Variants in NNT observed in about 807,000 individuals in gnomAD.
The protein encoded by NNT is NAD(P) transhydrogenase, mitochondrial.
A neutral mutation model predicts 104.8 loss-of-function variants in NNT; 50 were observed. The observed-to-expected ratio is 0.48, with a 90% CI of 0.38 to 0.60. The LOEUF is 0.60. NNT is among the 20% of genes least tolerant of loss of function. The probability of loss-of-function intolerance (pLI) is 0.00; values close to 1 mark genes in which losing one functional copy is unlikely to be tolerated. For missense variants in NNT, 1,131 were observed against 1,330.7 expected, an observed-to-expected ratio of 0.85 and a Z score of 2.33; for synonymous variants, 461 against 490.4, an observed-to-expected ratio of 0.94 and a Z score of 0.79.
In NNT at chr5:43,707,125, A is replaced by G. The variant is rs1008980763; in HGVS notation, c.*2721A>G. The G allele has an allele frequency of 6.6e-6, 1 of 152,190 alleles. No individual in the cohort carries two copies. Among genetic ancestry groups the G allele is most frequent in the Non-Finnish European group, 1.5e-5 (1 of 68,032 alleles). 9.4% of individuals were successfully genotyped at this position (152,190 alleles called of 1,614,324 possible). A position where few individuals can be genotyped will look rare whatever the true frequency, so the allele number is the denominator to read the frequency against. The stretch of plus-strand genomic sequence containing the variant: ...CCTAGAACTTAAAGTATAATTAAAA[A>G]AAAAAAGAAAACAGAAGCTATTTAT... On this transcript the variant is annotated 3_prime_UTR_variant, in exon 22 of 22. Transcript: ENST00000344920.
In NNT at chr5:43,659,317, G is replaced by A. The variant is rs772461693; in HGVS notation, c.2601G>A (p.Ser867=). ...CCATCGTGGGTGCACTCATAGGCTC[G>A]TCTGGTGCTATCCTGTCATACATCA... ...LLTIVGALIG[S]SGAILSYIMC... is the part of the protein sequence containing the mutation. Residue 867 remains serine, a synonymous_variant, in exon 17 of 22, where the codon TCG becomes TCA. Coordinates refer to ENST00000344920, the MANE Select transcript of NNT (RefSeq NM_182977.3). 2.2e-5 allele frequency: 36 copies of A among 1,613,370 alleles called. No individual in the cohort carries two copies. The highest frequency in any genetic ancestry group is 8.0e-5 in the African/African-American group (6 of 74,804).
At chr5:43,610,074 A>G (rs891490227) in intron 2 of NNT, among the ~76,000 whole-genome samples, 6 of 152,140 alleles carry the variant, frequency 3.9e-5, no homozygotes, top group African/African-American at 1.4e-4. Context: ...ACAGAGGAAG[A>G]TCTGAAGTCT....
At chr5:43,610,314 C>A (rs758599831) in intron 2 of NNT, among the ~76,000 whole-genome samples, 21 of 151,100 alleles carry the variant, frequency 1.4e-4, no homozygotes, top group Non-Finnish European at 2.9e-4. Flanking sequence ...CAAGTCAACT[C>A]TCTTTCATCA....
At chr5:43,607,261 T>G (rs1174718925) in intron 1 of NNT, among the ~76,000 whole-genome samples, 1 of 152,116 alleles carries the variant, frequency 6.6e-6, no homozygotes, top group African/African-American at 2.4e-5. Flanking sequence ...ACAAAAGAAG[T>G]GAAAATGGCC....
intron 20 of NNT, among the ~76,000 whole-genome samples, chr5:43,702,301 C>A (rs1452149083): frequency 1.1e-4 from 16 of 151,910 alleles, no homozygotes; most frequent in Non-Finnish European, 1.5e-5. Context: ...ATCATGTGAC[C>A]CTATTGCAAG....
chr5:43,643,795 C>A (rs1751359065), intron 7 of NNT, among the ~76,000 whole-genome samples: 1 of 152,188 alleles, frequency 6.6e-6, no homozygotes, highest in Non-Finnish European at 1.5e-5. Flanking sequence ...ACATTGGTGA[C>A]CTTTACGAAT....
chr5:43,614,127 C>T (rs369656678), intron 3 of NNT, among the ~76,000 whole-genome samples: 3 of 152,168 alleles, frequency 2.0e-5, no homozygotes, highest in African/African-American at 4.8e-5. Flanking sequence ...GAGTATAATT[C>T]ATTCTCATAT....
chr5:43,703,657 A>C (rs1270578891), intron 21 of NNT, among the ~76,000 whole-genome samples: 1 of 152,184 alleles, frequency 6.6e-6, no homozygotes, highest in Non-Finnish European at 1.5e-5. Context: ...TCCATAACAC[A>C]TGTCATTGTA....
chr5:43,624,009 A>G (rs745510847), intron 5 of NNT, 23 bp from the exon 6 acceptor site: 1 of 1,610,730 alleles, frequency 6.2e-7, no homozygotes, highest in Non-Finnish European at 8.5e-7. Context: ...GAGCCTTAAC[A>G]CATAACTGGG....
intron 19 of NNT, among the ~76,000 whole-genome samples, chr5:43,691,567 G>T (rs1742287070): frequency 6.6e-6 from 1 of 152,146 alleles, no homozygotes; most frequent in Non-Finnish European, 1.5e-5. Context: ...GTAACTGGGG[G>T]AAAAAGTCTC....
At chr5:43,636,522 A>G (rs1334322302) in intron 7 of NNT, among the ~76,000 whole-genome samples, 1 of 152,200 alleles carries the variant, frequency 6.6e-6, no homozygotes, top group Non-Finnish European at 1.5e-5. Flanking sequence ...CGTGAGAAAG[A>G]AAATAAGCAG....
chr5:43,630,755 C>T (rs187904684), intron 7 of NNT, among the ~76,000 whole-genome samples: 1 of 152,262 alleles, frequency 6.6e-6, no homozygotes, highest in East Asian at 1.9e-4. Flanking sequence ...CTTCACCTAT[C>T]CTTTCCTTTT....
chr5:43,604,196 G>A (rs1011906458), intron 1 of NNT, among the ~76,000 whole-genome samples: 5 of 152,154 alleles, frequency 3.3e-5, no homozygotes, highest in African/African-American at 1.2e-4. Flanking sequence ...TATGGTTGCC[G>A]GTGTCCTTTA....
At chr5:43,650,681 A>G (rs1739711683) in intron 12 of NNT, 94 bp downstream of exon 12, 2 of 922,446 alleles carry the variant, frequency 2.2e-6, no homozygotes, top group Non-Finnish European at 3.3e-6. Flanking sequence ...TGTGCCTTCA[A>G]AAAATGTTTC....
At position 43,656,814 on chromosome 5, in the gene NNT, G is replaced by A; in HGVS notation, c.2454+1G>A. The A allele has an allele frequency of 6.2e-7, 1 of 1,607,346 alleles. No individual in the cohort carries two copies. The highest frequency in any genetic ancestry group is 8.5e-7 in the Non-Finnish European group (1 of 1,178,048). On this transcript the variant is annotated splice_donor_variant, in intron 16 of 21. Coordinates refer to ENST00000344920, the MANE Select transcript of NNT (RefSeq NM_182977.3). LOFTEE classifies it high-confidence loss of function. The stretch of plus-strand genomic sequence containing the variant: ...AGTGTCTGCTCTCTCTGCTGTCATG[G>A]TAAGAAGTCAGAGATTGAAAAGTAC...
chr5:43,657,055 T>C (rs1300412137), intron 16 of NNT, among the ~76,000 whole-genome samples: 2 of 152,220 alleles, frequency 1.3e-5, no homozygotes, highest in Non-Finnish European at 2.9e-5. Flanking sequence ...CCTTTATTGC[T>C]CTGGAGTCTT....
intron 19 of NNT, among the ~76,000 whole-genome samples, chr5:43,686,903 C>G (rs1395197549): frequency 6.6e-6 from 1 of 152,118 alleles, no homozygotes; most frequent in Non-Finnish European, 1.5e-5. Context: ...GTAAATTGTT[C>G]AAATGCTTTG....
At chr5:43,653,261 T>C (rs1158457859) in intron 14 of NNT, 48 bp downstream of exon 14, 7 of 1,510,426 alleles carry the variant, frequency 4.6e-6, no homozygotes, top group Middle Eastern at 1.8e-4. Context: ...AGTTTCTCAA[T>C]ATATATTTCT....
chr5:43,635,860 C>T (rs1750904590), intron 7 of NNT, among the ~76,000 whole-genome samples: 1 of 152,114 alleles, frequency 6.6e-6, no homozygotes, highest in South Asian at 2.1e-4. Flanking sequence ...CTAAATACAG[C>T]CATATTCTGA....
Sources: allele counts gnomAD v4.1 joint callset (sites outside exome capture counted in the v4.1 genomes callset), GRCh38; gene constraint gnomAD v4.1.1; transcripts MANE v1.5; gene names NCBI Gene and HGNC (gene_info 2026-07-23, HGNC 2026-07-21).